The following SGCZ variants were observed in gnomAD, a reference collection of about 807,000 sequenced individuals.
SGCZ encodes zeta-sarcoglycan.
In SGCZ, 40 loss-of-function variants were observed where a neutral mutation model predicts 41.3. That is an observed-to-expected ratio of 0.97 (90% CI 0.75 to 1.26). SGCZ has a LOEUF of 1.26. SGCZ is among the 50% of genes most tolerant of loss of function. The probability of loss-of-function intolerance (pLI) is 0.00; values close to 1 mark genes in which losing one functional copy is unlikely to be tolerated. For synonymous variants in SGCZ, 206 were observed against 137.5 expected, an observed-to-expected ratio of 1.50 and a Z score of -3.49; for missense variants, 552 against 369.8, an observed-to-expected ratio of 1.49 and a Z score of -4.04.
At chr8:14,103,784 T>TA (rs1421704637) in intron 6 of SGCZ, among the ~76,000 whole-genome samples, 36 of 152,320 alleles carry the variant, frequency 2.4e-4, no homozygotes, top group African/African-American at 8.4e-4. Flanking sequence ...GTATTTTTTT[T>TA]ATTAAAACTC....
At chr8:14,556,495 A>T (rs1804039935) in intron 1 of SGCZ, among the ~76,000 whole-genome samples, 1 of 151,882 alleles carries the variant, frequency 6.6e-6, no homozygotes, top group Non-Finnish European at 1.5e-5. Flanking sequence ...TACATGAGTA[A>T]GTTCTTTAGT....
chr8:14,463,526 A>T (rs982474632), intron 2 of SGCZ, among the ~76,000 whole-genome samples: 2 of 151,624 alleles, frequency 1.3e-5, no homozygotes, highest in African/African-American at 4.8e-5. Flanking sequence ...GAAATCTAAA[A>T]CTATAAAATT....
chr8:14,758,548 G>C (rs1343023433), intron 1 of SGCZ, among the ~76,000 whole-genome samples: 1 of 152,138 alleles, frequency 6.6e-6, no homozygotes, highest in African/African-American at 2.4e-5. Context: ...CGATCAAAGT[G>C]TGAAATTCTA....
At chr8:14,566,552 T>A (rs958948829) in intron 1 of SGCZ, among the ~76,000 whole-genome samples, 4 of 152,240 alleles carry the variant, frequency 2.6e-5, no homozygotes, top group African/African-American at 9.6e-5. Context: ...TACACCTATA[T>A]CATGAGTACA....
intron 1 of SGCZ, among the ~76,000 whole-genome samples, chr8:14,729,758 G>A (rs1443692827): frequency 1.3e-5 from 2 of 152,166 alleles, no homozygotes; most frequent in Non-Finnish European, 2.9e-5. Context: ...CTGCAAAACA[G>A]TGCTACAAAA....
At chr8:15,203,677 T>C (rs1231870109) in intron 1 of SGCZ, among the ~76,000 whole-genome samples, 1 of 152,088 alleles carries the variant, frequency 6.6e-6, no homozygotes, top group East Asian at 1.9e-4. Context: ...GAAAGGAAAA[T>C]AAATGAATGG....
chr8:14,679,668 T>C (rs1347070506), intron 1 of SGCZ, among the ~76,000 whole-genome samples: 1 of 151,952 alleles, frequency 6.6e-6, no homozygotes, highest in Non-Finnish European at 1.5e-5. Context: ...TAAAGTTAAT[T>C]TATTATTGAA....
intron 1 of SGCZ, among the ~76,000 whole-genome samples, chr8:14,953,267 T>A (rs766315899): frequency 1.8e-4 from 27 of 152,134 alleles, no homozygotes; most frequent in Non-Finnish European, 3.4e-4. Context: ...CTTCTTCCCA[T>A]GGCAGAGCAG....
intron 3 of SGCZ, among the ~76,000 whole-genome samples, chr8:14,278,369 C>A (rs145864655): frequency 6.6e-6 from 1 of 152,086 alleles, no homozygotes; most frequent in African/African-American, 2.4e-5. Flanking sequence ...TATTTTAAAA[C>A]CGTGTATAGT....
intron 1 of SGCZ, among the ~76,000 whole-genome samples, chr8:15,187,684 C>G (rs150613650): frequency 3.3e-5 from 5 of 152,114 alleles, no homozygotes; most frequent in African/African-American, 1.2e-4. Context: ...AAACCCATAA[C>G]TTATTAACTT....
intron 3 of SGCZ, among the ~76,000 whole-genome samples, chr8:14,247,436 G>T (rs1248745270): frequency 1.3e-5 from 2 of 152,148 alleles, no homozygotes; most frequent in South Asian, 4.1e-4. Flanking sequence ...GGAATCTGGG[G>T]TAATCTATCA....
intron 1 of SGCZ, among the ~76,000 whole-genome samples, chr8:14,578,833 A>G (rs1804796164): frequency 6.6e-6 from 1 of 152,196 alleles, no homozygotes; most frequent in African/African-American, 2.4e-5. Flanking sequence ...CAAATTAGAT[A>G]TGTAAAACTT....
intron 1 of SGCZ, among the ~76,000 whole-genome samples, chr8:14,743,880 T>C (rs1467689802): frequency 3.9e-5 from 6 of 152,142 alleles, no homozygotes; most frequent in Non-Finnish European, 7.4e-5. Flanking sequence ...AATTCAATGA[T>C]AGATTAAATC....
chr8:14,603,079 G>T (rs924613671), intron 1 of SGCZ, among the ~76,000 whole-genome samples: 1 of 152,100 alleles, frequency 6.6e-6, no homozygotes, highest in Non-Finnish European at 1.5e-5. Context: ...GACATACGCC[G>T]GGGGCAACCC....
chr8:14,123,880 T>C (rs1457660309), intron 5 of SGCZ, among the ~76,000 whole-genome samples: 2 of 152,046 alleles, frequency 1.3e-5, no homozygotes, highest in Non-Finnish European at 1.5e-5. Flanking sequence ...CTGCATTATC[T>C]AGGAGGAGCC....
intron 1 of SGCZ, among the ~76,000 whole-genome samples, chr8:15,221,409 G>C (rs537253843): frequency 2.0e-5 from 3 of 152,106 alleles, no homozygotes; most frequent in Non-Finnish European, 4.4e-5. Context: ...TCTCATCTCT[G>C]ATCTGCCTCA....
At chr8:14,607,574 T>C (rs1288949319) in intron 1 of SGCZ, among the ~76,000 whole-genome samples, 1 of 152,196 alleles carries the variant, frequency 6.6e-6, no homozygotes, top group African/African-American at 2.4e-5. Context: ...ACATGCACTC[T>C]TGAATGCTGC....
At position 14,989,033 on chromosome 8, in the gene SGCZ, G is replaced by A. The variant is rs190979303; in HGVS notation, c.39+248552C>T. Among the ~76,000 whole-genome samples, 392 of 152,176 alleles carry A rather than the reference G, an allele frequency of 2.6e-3. 1 individual carries two copies. Among genetic ancestry groups the A allele is most frequent in the Non-Finnish European group, 4.5e-3 (307 of 68,010 alleles). On this transcript the variant is annotated intron_variant, in intron 1 of 7. Transcript: ENST00000382080. ...AGCTATTTCATGGGACTCTAAGAGT[G>A]TGGATTTCTCTTAAGAATCCAGGGA...
chr8:14,185,172 G>C (rs187719539), intron 4 of SGCZ, among the ~76,000 whole-genome samples: 1 of 152,128 alleles, frequency 6.6e-6, no homozygotes, highest in African/African-American at 2.4e-5. Context: ...GAGGCCAAGA[G>C]GGGTGGATCA....
Sources: gnomAD v4.1 joint callset for allele counts (sites outside exome capture counted in the v4.1 genomes callset) on GRCh38, gnomAD v4.1.1 for gene constraint, MANE v1.5 for transcripts, NCBI Gene and HGNC (gene_info 2026-07-23, HGNC 2026-07-21) for gene names.